Variants in FNDC1 observed in about 807,000 individuals in gnomAD.
FNDC1 encodes the protein fibronectin type III domain containing 1.
In FNDC1, 96 loss-of-function variants were observed where a neutral mutation model predicts 168.0. The ratio of observed to expected loss-of-function variants is 0.57; its 90% CI spans 0.48 to 0.68. The LOEUF is 0.68. Ranked by LOEUF, FNDC1 falls within the 30% of genes least tolerant of loss-of-function variation. The probability of loss-of-function intolerance (pLI) is 0.00; values close to 1 mark genes in which losing one functional copy is unlikely to be tolerated. For synonymous variants in FNDC1, 1,099 were observed against 1,025.9 expected, an observed-to-expected ratio of 1.07 and a Z score of -1.36; for missense variants, 2,587 against 2,482.1, an observed-to-expected ratio of 1.04 and a Z score of -0.90.
intron 1 of FNDC1, among the ~76,000 whole-genome samples, chr6:159,178,525 A>C (rs1018044006): frequency 3.3e-5 from 5 of 152,106 alleles, no homozygotes; most frequent in African/African-American, 1.2e-4. Context: ...GAGTTCTCTG[A>C]GAAGGCCCCT....
intron 1 of FNDC1, among the ~76,000 whole-genome samples, chr6:159,185,714 C>T (rs571847655): frequency 2.0e-5 from 3 of 152,178 alleles, no homozygotes; most frequent in Admixed American, 6.5e-5. Flanking sequence ...CAAACCTAAC[C>T]CCTTTAAAAT....
chr6:159,224,330 A>G (rs937465338), intron 7 of FNDC1, among the ~76,000 whole-genome samples: 2 of 152,224 alleles, frequency 1.3e-5, no homozygotes, highest in African/African-American at 4.8e-5. Flanking sequence ...TAGTATAGCC[A>G]TGAAAATTTT....
chr6:159,269,597 G>GTCTGTCTA (rs1439831224), intron 22 of FNDC1, among the ~76,000 whole-genome samples: 130 of 123,942 alleles, frequency 1.0e-3, no homozygotes, highest in African/African-American at 2.8e-3. Context: ...CTGTCTGTCT[G>GTCTGTCTA]TCTATCTATC....
chr6:159,265,587 A>G (rs756422836), intron 20 of FNDC1, among the ~76,000 whole-genome samples: 3 of 152,196 alleles, frequency 2.0e-5, no homozygotes, highest in Non-Finnish European at 4.4e-5. Flanking sequence ...GTACTTTAGT[A>G]CTAAAAAACA....
At position 159,271,620 on chromosome 6, in the gene FNDC1, G is replaced by A; in HGVS notation, c.*178G>A. Reference sequence around the variant, plus strand: ...GTCTGGAACTCAGTCCCACTTCTTGGCCTGGACAATGAACAGGATTCAGTT... The same window carrying A: ...GTCTGGAACTCAGTCCCACTTCTTGACCTGGACAATGAACAGGATTCAGTT... On this transcript the variant is annotated 3_prime_UTR_variant, in exon 23 of 23. Coordinates refer to ENST00000297267, the MANE Select transcript of FNDC1 (RefSeq NM_032532.3). 1 of 560,032 alleles carries A rather than the reference G, an allele frequency of 1.8e-6. No homozygotes were observed. Among genetic ancestry groups the A allele is most frequent in the Admixed American group, 3.1e-5 (1 of 32,554 alleles). 34.7% of individuals were successfully genotyped at this position (560,032 alleles called of 1,614,324 possible). A position where few individuals can be genotyped will look rare whatever the true frequency, so the allele number is the denominator to read the frequency against.
Position 159,214,973 on chromosome 6 carries a change from T to A in FNDC1, c.489T>A (p.Arg163=). ...AGGAAGTGCCCAACAAGCCCTTGCG[T>A]GTGCGTGTCCGGTCCTCAGATGACA... ...TEKEVPNKPL[R]VRVRSSDDRL... Residue 163 remains arginine, a synonymous_variant, in exon 5 of 23, where the codon CGT becomes CGA. Transcript: ENST00000297267. 6.2e-7 allele frequency: 1 copy of A among 1,613,982 alleles called. No individual in the cohort carries two copies. The highest frequency in any genetic ancestry group is 8.5e-7 in the Non-Finnish European group (1 of 1,179,882).
At chr6:159,200,764 G>A (rs988560273) in intron 4 of FNDC1, among the ~76,000 whole-genome samples, 183 bp downstream of exon 4, 1 of 152,222 alleles carries the variant, frequency 6.6e-6, no homozygotes, top group African/African-American at 2.4e-5. Flanking sequence ...ACTGTAACCA[G>A]TGTTGCTTAT....
At position 159,239,575 on chromosome 6, in the gene FNDC1, A is replaced by G. The variant is rs1783354725; in HGVS notation, c.4239A>G (p.Arg1413=). The G allele has an allele frequency of 6.2e-7, 1 of 1,601,104 alleles. No individual in the cohort carries two copies. Among genetic ancestry groups the G allele is most frequent in the South Asian group, 1.1e-5 (1 of 88,244 alleles). The change falls in exon 14 of 23, where the codon CGA becomes CGG. Residue 1413 remains arginine (R), a synonymous_variant. Coordinates refer to ENST00000297267, the MANE Select transcript of FNDC1 (RefSeq NM_032532.3). ...GCCTCCCACTCTTTGGGCAGGGGCG[A>G]CATGGCACACCTCTGGCCAATGCCC... ...PDGLPLFGQG[R]HGTPLANAQD...
intron 1 of FNDC1, among the ~76,000 whole-genome samples, chr6:159,176,702 T>C (rs1781768002): frequency 6.6e-6 from 1 of 152,060 alleles, no homozygotes; most frequent in African/African-American, 2.4e-5. Flanking sequence ...CCTTGATCCA[T>C]AGTGTTGGTG....
chr6:159,225,883 A>C (rs997494027), intron 8 of FNDC1, among the ~76,000 whole-genome samples, 161 bp downstream of exon 8: 1 of 152,266 alleles, frequency 6.6e-6, no homozygotes, highest in Non-Finnish European at 1.5e-5. Context: ...CGTACATGCA[A>C]AGAAGTTAAG....
At chr6:159,247,560 A>G (rs1275864208) in intron 15 of FNDC1, among the ~76,000 whole-genome samples, 2 of 152,030 alleles carry the variant, frequency 1.3e-5, no homozygotes, top group African/African-American at 4.8e-5. Flanking sequence ...AGCAGCCTGG[A>G]CAACATAACA....
rs1395507542 is a variant in FNDC1, at chr6:159,223,662, AT to A, written c.884+20del. 13 of 1,505,476 alleles carry A rather than the reference AT, an allele frequency of 8.6e-6. No homozygotes were observed. Among genetic ancestry groups the A allele is most frequent in the Non-Finnish European group, 1.2e-5 (13 of 1,083,792 alleles). 93.3% of individuals were successfully genotyped at this position (1,505,476 alleles called of 1,614,324 possible). A position where few individuals can be genotyped will look rare whatever the true frequency, so the allele number is the denominator to read the frequency against. The stretch of plus-strand genomic sequence containing the variant: ...TGCATCAAGGTACTTTTGCTTATTT[AT>A]TTGTCTTTATATATGAGAGATGGGG... On this transcript the variant is annotated intron_variant, in intron 7 of 22. Coordinates refer to ENST00000297267, the MANE Select transcript of FNDC1 (RefSeq NM_032532.3).
chr6:159,200,106 G>A (rs766550504), intron 3 of FNDC1, 24 bp downstream of exon 3: 20 of 1,530,088 alleles, frequency 1.3e-5, no homozygotes, highest in Non-Finnish European at 1.6e-5. Context: ...AGAATCAGAG[G>A]CTGTAGTGTT....
chr6:159,183,318 G>A (rs984527197), intron 1 of FNDC1, among the ~76,000 whole-genome samples: 2 of 152,134 alleles, frequency 1.3e-5, no homozygotes, highest in Non-Finnish European at 1.5e-5. Context: ...ACTTGACATT[G>A]GGGGACATTC....
chr6:159,215,346 G>A (rs576185), intron 5 of FNDC1, among the ~76,000 whole-genome samples, 195 bp downstream of exon 5: 26,022 of 152,144 alleles, frequency 0.17, 2,623 homozygotes, highest in East Asian at 0.37. Flanking sequence ...GTTAGTGGCA[G>A]CCCCAGGCTG....
chr6:159,233,032 A>G lies in FNDC1; in HGVS notation c.2520A>G (p.Gly840=), dbSNP rs925284936. ...RSPSRFSIGR[G]PRLQPSSSPQ... ...CAAGCAGGTTCAGCATTGGGCGGGGACCTCGGCTGCAGCCCTCCAGCTCCC... is the reference window on the plus strand; with the variant it reads ...CAAGCAGGTTCAGCATTGGGCGGGGGCCTCGGCTGCAGCCCTCCAGCTCCC... The change falls in exon 11 of 23, where the codon GGA becomes GGG. Residue 840 remains glycine, a synonymous_variant. Transcript: ENST00000297267. This position sits in a 1 kb window ranked among gnomAD's most constrained non-coding sequence, Gnocchi z 4.6. 4 of 1,611,676 alleles carry G rather than the reference A, an allele frequency of 2.5e-6. No homozygotes were observed. The highest frequency in any genetic ancestry group is 3.4e-6 in the Non-Finnish European group (4 of 1,179,194).
rs1417259634 is a variant in FNDC1, at chr6:159,271,412, G to A, written c.5655G>A (p.Glu1885=). The change falls in exon 23 of 23, where the codon GAG becomes GAA. Residue 1885 remains glutamate (E), a synonymous_variant. Coordinates refer to ENST00000297267, the MANE Select transcript of FNDC1 (RefSeq NM_032532.3). ...GTPYYYVGWY[E]CGVSIPGKW is the part of the protein sequence containing the mutation. Reference sequence around the variant, plus strand: ...CCTACTACTATGTGGGCTGGTACGAGTGTGGGGTCTCCATCCCTGGAAAGT... The same window carrying A: ...CCTACTACTATGTGGGCTGGTACGAATGTGGGGTCTCCATCCCTGGAAAGT... 13 of 1,611,524 alleles carry A rather than the reference G, an allele frequency of 8.1e-6. No individual in the cohort carries two copies. Among genetic ancestry groups the A allele is most frequent in the Non-Finnish European group, 1.1e-5 (13 of 1,178,946 alleles).
chr6:159,255,670 A>G (rs1279854790), intron 17 of FNDC1, among the ~76,000 whole-genome samples: 1 of 152,218 alleles, frequency 6.6e-6, no homozygotes, highest in Non-Finnish European at 1.5e-5. Flanking sequence ...ATGTGTCAAA[A>G]TGAGGAAGGC....
chr6:159,184,771 A>G (rs1781957650), intron 1 of FNDC1, among the ~76,000 whole-genome samples: 1 of 152,174 alleles, frequency 6.6e-6, no homozygotes, highest in Non-Finnish European at 1.5e-5. Flanking sequence ...AGCAGTTTAT[A>G]GTAGGCTGAG....
Sources: gnomAD v4.1 joint callset for allele counts (sites outside exome capture counted in the v4.1 genomes callset) on GRCh38, gnomAD v4.1.1 for gene constraint, Gnocchi (gnomAD v3.1) non-coding constraint, MANE v1.5 for transcripts, NCBI Gene and HGNC (gene_info 2026-07-23, HGNC 2026-07-21) for gene names.